The following FBN2 variants were observed in gnomAD, a reference collection of about 807,000 sequenced individuals.
The protein encoded by FBN2 is fibrillin-2.
FBN2 carries 105 observed loss-of-function variants against 355.6 expected under a neutral mutation model. The observed-to-expected ratio is 0.30, with a 90% CI of 0.25 to 0.35. FBN2 has a LOEUF of 0.35. Among genes scored for constraint, FBN2 ranks in the 10% least tolerant of loss-of-function variants. The pLI, the probability that FBN2 is intolerant of heterozygous loss-of-function variation, is 1.00. For missense variants in FBN2, 3,280 were observed against 3,758.7 expected, an observed-to-expected ratio of 0.87 and a Z score of 3.33; for synonymous variants, 1,350 against 1,301.2, an observed-to-expected ratio of 1.04 and a Z score of -0.81.
chr5:128,473,629 CT>C (rs1393002428), intron 5 of FBN2, among the ~76,000 whole-genome samples: 1 of 152,166 alleles, frequency 6.6e-6, no homozygotes, highest in Non-Finnish European at 1.5e-5. Context: ...ACATTCTCAG[CT>C]TTTGGTAACT....
chr5:128,512,756 T>A (rs1756165559), intron 5 of FBN2, among the ~76,000 whole-genome samples: 1 of 152,154 alleles, frequency 6.6e-6, no homozygotes, highest in South Asian at 2.1e-4. Context: ...AACATTCTTT[T>A]TTCTCCCATT....
At chr5:128,305,183 G>C (rs550365604) in intron 44 of FBN2, 101 bp from the exon 45 acceptor site, 2 of 1,046,468 alleles carry the variant, frequency 1.9e-6, no homozygotes, top group African/African-American at 3.2e-5. Flanking sequence ...ATTATTATAG[G>C]CAGGCTGAAA....
At chr5:128,536,561 G>A (rs576461627) in intron 1 of FBN2, 77 bp from the exon 2 acceptor site, 2 of 969,144 alleles carry the variant, frequency 2.1e-6, no homozygotes, top group South Asian at 1.4e-5. Flanking sequence ...CGTAAGCAAT[G>A]CCCCGAGCGA....
rs1322660993 is a variant in FBN2, at chr5:128,369,166, T to G, written c.2248+16A>C. 8.7e-6 allele frequency: 14 copies of G among 1,613,822 alleles called. No individual in the cohort carries two copies. The highest frequency in any genetic ancestry group is 1.2e-5 in the Non-Finnish European group (14 of 1,179,722). On this transcript the variant is annotated intron_variant, in intron 16 of 64. Coordinates refer to ENST00000262464, the MANE Select transcript of FBN2 (RefSeq NM_001999.4). Reference sequence around the variant, plus strand: ...CTTGATTCTTTATCAACTGTGAAAATGGCACATGTGACTACCTGAATTTTT... The same window carrying G: ...CTTGATTCTTTATCAACTGTGAAAAGGGCACATGTGACTACCTGAATTTTT...
At chr5:128,376,123 A>G (rs1752071292) in intron 14 of FBN2, among the ~76,000 whole-genome samples, 1 of 152,174 alleles carries the variant, frequency 6.6e-6, no homozygotes, top group South Asian at 2.1e-4. Flanking sequence ...TTAAATTCCA[A>G]TTGTGAGTAC....
chr5:128,377,686 C>A (rs1752114958), intron 13 of FBN2, 66 bp downstream of exon 13: 1 of 1,541,784 alleles, frequency 6.5e-7, no homozygotes, highest in Non-Finnish European at 9.0e-7. Context: ...GGAAATAGTA[C>A]ATGGTTCTAA....
At chr5:128,500,111 C>T (rs1176523569) in intron 5 of FBN2, among the ~76,000 whole-genome samples, 1 of 152,096 alleles carries the variant, frequency 6.6e-6, no homozygotes, top group African/African-American at 2.4e-5. Context: ...TCCTGGCTTT[C>T]TGTGTGACTT....
At chr5:128,482,086 TC>T (rs1413341191) in intron 5 of FBN2, among the ~76,000 whole-genome samples, 3 of 152,184 alleles carry the variant, frequency 2.0e-5, no homozygotes, top group African/African-American at 7.2e-5. Flanking sequence ...CAATATTGCT[TC>T]CTTTTCTAAA....
rs146858609 is a variant in FBN2 at position 128,352,860 on chromosome 5, T to G, written c.2675-1855A>C. On this transcript the variant is annotated intron_variant, in intron 20 of 64. Transcript: ENST00000262464. ...TATAGTATTTATTTGAAAATTCATT[T>G]TAATAATATGTACAGATAAAATTTA... Among the ~76,000 whole-genome samples the G allele has an allele frequency of 1.7e-3, 256 of 152,300 alleles. 2 individuals are homozygous for G. The highest frequency in any genetic ancestry group is 6.0e-3 in the African/African-American group (249 of 41,562).
chr5:128,350,379 C>T (rs546643413), intron 21 of FBN2, among the ~76,000 whole-genome samples: 130 of 152,170 alleles, frequency 8.5e-4, no homozygotes, highest in African/African-American at 3.0e-3. Flanking sequence ...GGTGAAACCC[C>T]GTCTCTACTA....
chr5:128,421,140 C>G (rs1461360263), intron 7 of FBN2, among the ~76,000 whole-genome samples: 1 of 152,178 alleles, frequency 6.6e-6, no homozygotes, highest in Non-Finnish European at 1.5e-5. Context: ...AACAATAAAA[C>G]TAGAAAGTTA....
chr5:128,425,767 A>G (rs1025659645), intron 7 of FBN2, among the ~76,000 whole-genome samples: 28 of 152,294 alleles, frequency 1.8e-4, no homozygotes, highest in African/African-American at 6.7e-4. Flanking sequence ...TAATATCATA[A>G]AAAGAAAGAA....
chr5:128,412,560 T>C (rs1753098168), intron 7 of FBN2, among the ~76,000 whole-genome samples: 1 of 152,112 alleles, frequency 6.6e-6, no homozygotes. Context: ...TGAAGTTAGC[T>C]TCCAACTAAT....
rs768941456 is a variant in FBN2, at chr5:128,276,055, T to C, written c.7577A>G (p.Asp2526Gly). The part of the protein sequence containing the change: ...SCPRGYVLQE[D>G]GKTCKDLDEC... ...TCACTCACCTTTGCATGTCTTTCCA[T>C]CCTCTTGCAGGACATACCCCCTCGG... Residue 2526 changes from aspartate to glycine, a missense_variant, in exon 59 of 65, where the codon GAT becomes GGT. By Grantham distance (94) the Asp-to-Gly change is moderately conservative. This residue lies in a region of FBN2 where 2,284 missense variants were observed against 2,749.5 expected (regional missense o/e 0.83). Coordinates refer to ENST00000262464, the MANE Select transcript of FBN2 (RefSeq NM_001999.4). 1.2e-6 allele frequency: 2 copies of C among 1,613,706 alleles called. No homozygotes were observed. The highest frequency in any genetic ancestry group is 1.3e-5 in the African/African-American group (1 of 74,900).
chr5:128,537,207 C>T, intron 1 of FBN2, 143 bp downstream of exon 1: 9 of 1,401,118 alleles, frequency 6.4e-6, no homozygotes, highest in Non-Finnish European at 7.6e-6. Context: ...TCCTGGGGGT[C>T]TTTGGATATT....
chr5:128,424,133 C>A (rs997863571), intron 7 of FBN2, among the ~76,000 whole-genome samples: 1 of 152,028 alleles, frequency 6.6e-6, no homozygotes, highest in Non-Finnish European at 1.5e-5. Flanking sequence ...TTAAAGTATA[C>A]GTGCCTGGCA....
At chr5:128,266,420 C>T (rs59010574) in intron 62 of FBN2, among the ~76,000 whole-genome samples, 3,011 of 152,232 alleles carry the variant, frequency 0.02, 97 homozygotes, top group African/African-American at 0.068. Flanking sequence ...GAAGGCAAAC[C>T]GGCTTCTGGC....
At position 128,332,900 on chromosome 5, in the gene FBN2, T is replaced by C. The variant is rs79445561; in HGVS notation, c.4222+12A>G. On this transcript the variant is annotated intron_variant, in intron 32 of 64. Coordinates refer to ENST00000262464, the MANE Select transcript of FBN2 (RefSeq NM_001999.4). ...GTGCCTTAGCAAAGGATATTTACAT[T>C]TGCAAACTCACCAATACACTTGATG... 6.9e-4 allele frequency: 1,109 copies of C among 1,613,722 alleles called. 18 individuals are homozygous for C. The East Asian group carries it at 0.02, about 29-fold the overall frequency.
intron 15 of FBN2, among the ~76,000 whole-genome samples, chr5:128,372,357 A>G (rs1751966213): frequency 6.6e-6 from 1 of 152,256 alleles, no homozygotes; most frequent in Admixed American, 6.5e-5. Context: ...ACTTAAAATC[A>G]TAGCTTAATT....
Sources: allele counts gnomAD v4.1 joint callset (sites outside exome capture counted in the v4.1 genomes callset), GRCh38; gene constraint gnomAD v4.1.1; regional missense constraint gnomAD v4.1.1; transcripts MANE v1.5; gene names NCBI Gene and HGNC (gene_info 2026-07-23, HGNC 2026-07-21).